CPED1: variants seen among roughly 807,000 people sequenced by gnomAD.
The protein encoded by CPED1 is cadherin like and PC-esterase domain containing 1, also known as cadherin-like and PC-esterase domain-containing protein 1.
CPED1 carries 114 observed loss-of-function variants against 128.2 expected under a neutral mutation model. The ratio of observed to expected loss-of-function variants is 0.89; its 90% CI spans 0.76 to 1.04. The LOEUF (loss-of-function observed/expected upper bound fraction) is 1.04, where lower values mean the gene tolerates loss of function less well. CPED1 is among the 50% of genes least tolerant of loss of function. The pLI, the probability that CPED1 is intolerant of heterozygous loss-of-function variation, is 0.00. For missense variants in CPED1, 1,211 were observed against 1,207.1 expected (o/e 1.00, Z -0.05); for synonymous variants, 462 against 426.7 (o/e 1.08, Z -1.02).
chr7:121,025,180 CCTCTTACACTGT>C (rs1792544945), intron 3 of CPED1, among the ~76,000 whole-genome samples: 1 of 151,790 alleles, frequency 6.6e-6, no homozygotes, highest in South Asian at 2.1e-4. Flanking sequence ...AAGTTGCTTC[CCTCTTACACTGT>C]CTCTTGGTGG....
intron 5 of CPED1, among the ~76,000 whole-genome samples, chr7:121,076,335 G>T (rs1794123577): frequency 6.6e-6 from 1 of 152,120 alleles, no homozygotes; most frequent in Middle Eastern, 3.2e-3. Flanking sequence ...ATGTGTGAAA[G>T]AACTAGAGAA....
Position 120,989,716 on chromosome 7 carries a change from C to T in CPED1, c.95C>T (p.Thr32Ile). ...GTGGCAATCTGTCTCTTCTACCAGACTCTGACCCTCCGAGGGTCGAGGAAG... is the reference window on the plus strand; with the variant it reads ...GTGGCAATCTGTCTCTTCTACCAGATTCTGACCCTCCGAGGGTCGAGGAAG... ...LVVAICLFYQ[T>I]LTLRGSRKLT... is the part of the protein sequence containing the mutation. The change falls in exon 2 of 23, where the codon ACT (threonine) becomes ATT (isoleucine). Residue 32 changes from threonine (T) to isoleucine (I), a missense_variant. Coordinates refer to ENST00000310396, the MANE Select transcript of CPED1 (RefSeq NM_024913.5). 6.2e-7 allele frequency: 1 copy of T among 1,613,962 alleles called. No individual in the cohort carries two copies.
chr7:121,124,455 G>A lies in CPED1; in HGVS notation c.1043G>A (p.Gly348Glu), dbSNP rs2116314185. ...AEVFSETSTL[G>E]PKTFHRCRFC... The stretch of plus-strand genomic sequence containing the variant: ...GTATTCAGTGAAACATCTACTCTGG[G>A]ACCAAAGACCTTCCATAGGTAAAAA... Residue 348 changes from glycine to glutamate, a missense_variant, in exon 8 of 23, where the codon GGA (glycine) becomes GAA (glutamate). By Grantham distance (98) the Gly-to-Glu change is moderately conservative (BLOSUM62 -2). Coordinates refer to ENST00000310396, the MANE Select transcript of CPED1 (RefSeq NM_024913.5). The A allele has an allele frequency of 1.3e-6, 2 of 1,528,260 alleles. No individual in the cohort carries two copies. The highest frequency in any genetic ancestry group is 1.3e-5 in the South Asian group (1 of 75,646). The allele number at this position is 1,528,260 out of a possible 1,614,324, so 94.7% of individuals were successfully genotyped here. A position where few individuals can be genotyped will look rare whatever the true frequency, so the allele number is the denominator to read the frequency against.
intron 10 of CPED1, among the ~76,000 whole-genome samples, chr7:121,127,620 C>A (rs1795538889): frequency 6.6e-6 from 1 of 150,578 alleles, no homozygotes; most frequent in Admixed American, 6.6e-5. Flanking sequence ...ACTGCAACCT[C>A]CGCCTCCTGG....
intron 16 of CPED1, among the ~76,000 whole-genome samples, chr7:121,234,545 G>T (rs114716919): frequency 1.3e-5 from 2 of 151,930 alleles, no homozygotes; most frequent in African/African-American, 4.8e-5. Flanking sequence ...GGTGGTGAAA[G>T]TTGTTTATAA....
At position 121,033,382 on chromosome 7, in the gene CPED1, T is replaced by G. The variant is rs1054352434; in HGVS notation, c.434-13505T>G. On this transcript the variant is annotated intron_variant, in intron 3 of 22. Coordinates refer to ENST00000310396, the MANE Select transcript of CPED1 (RefSeq NM_024913.5). ...ACACATAGAAGTCACATTTTGTTAC[T>G]TGAAAGTTCATCACCTAGATGTCGG... Among the ~76,000 whole-genome samples the G allele has an allele frequency of 3.9e-5, 6 of 152,330 alleles. No individual in the cohort carries two copies. The East Asian group carries it at 9.7e-4, about 25-fold the overall frequency.
intron 18 of CPED1, among the ~76,000 whole-genome samples, chr7:121,255,817 A>G (rs1030931477): frequency 6.6e-6 from 1 of 152,064 alleles, no homozygotes; most frequent in Non-Finnish European, 1.5e-5. Context: ...CAATAGCCAC[A>G]ATGAAAATGA....
At chr7:121,022,980 G>A (rs921603524) in intron 3 of CPED1, among the ~76,000 whole-genome samples, 13 of 151,290 alleles carry the variant, frequency 8.6e-5, no homozygotes, top group African/African-American at 2.7e-4. Flanking sequence ...ATGCTATTCA[G>A]TAAATCATTG....
rs1024670446 is a variant in CPED1, at chr7:121,135,290, A to AT, written c.1649-741dup. Among the ~76,000 whole-genome samples, 8 of 151,468 alleles carry AT rather than the reference A, an allele frequency of 5.3e-5. No homozygotes were observed. In the South Asian group the frequency reaches 6.3e-4, roughly 12 times the overall value. ...AAGTACCCACCTATATGTCAATAAT[A>AT]TTTTTTTTTAGTTCAAAGTTGTTCT... is the stretch of plus-strand genomic sequence containing the variant. On this transcript the variant is annotated intron_variant, in intron 13 of 22. Coordinates refer to ENST00000310396, the MANE Select transcript of CPED1 (RefSeq NM_024913.5).
chr7:121,166,969 TTTTGGGACACAACACAC>T (rs1279112560), intron 16 of CPED1, among the ~76,000 whole-genome samples: 1 of 152,134 alleles, frequency 6.6e-6, no homozygotes, highest in Non-Finnish European at 1.5e-5. Context: ...TTTCATGTCC[TTTTGGGACACAACACAC>T]TTTGTGGAAG....
At chr7:121,252,384 T>C (rs1434609189) in intron 18 of CPED1, among the ~76,000 whole-genome samples, 3 of 151,912 alleles carry the variant, frequency 2.0e-5, no homozygotes, top group Non-Finnish European at 4.4e-5. Flanking sequence ...ACCTAGGCAA[T>C]ACCATTCAGG....
intron 5 of CPED1, among the ~76,000 whole-genome samples, chr7:121,067,958 G>C (rs1423527565): frequency 1.3e-5 from 2 of 152,132 alleles, no homozygotes; most frequent in Admixed American, 6.5e-5. Flanking sequence ...TTTCGATGGG[G>C]TTGTTTGTTT....
intron 5 of CPED1, among the ~76,000 whole-genome samples, chr7:121,071,403 C>T (rs9632748): frequency 0.022 from 3,313 of 152,156 alleles, 126 homozygotes; most frequent in African/African-American, 0.075. Flanking sequence ...CCTCACAAAA[C>T]AGAAATTTTG....
At chr7:121,050,897 C>T (rs1371670460) in intron 4 of CPED1, 1 of 481,776 alleles carries the variant, frequency 2.1e-6, no homozygotes, top group African/African-American at 2.0e-5. Flanking sequence ...ACGCACCCTC[C>T]TCGTCACCAG....
At chr7:121,159,259 G>C (rs1487800799) in intron 16 of CPED1, among the ~76,000 whole-genome samples, 1 of 152,068 alleles carries the variant, frequency 6.6e-6, no homozygotes. Flanking sequence ...TTACGTTTCA[G>C]AAAGAGAAAA....
chr7:121,213,969 T>C (rs1797702479), intron 16 of CPED1, among the ~76,000 whole-genome samples: 1 of 152,050 alleles, frequency 6.6e-6, no homozygotes, highest in African/African-American at 2.4e-5. Context: ...CACATTACTT[T>C]TGGTTATCAT....
At chr7:121,058,641 TTA>T (rs1793565262) in intron 4 of CPED1, among the ~76,000 whole-genome samples, 1 of 152,198 alleles carries the variant, frequency 6.6e-6, no homozygotes, top group Non-Finnish European at 1.5e-5. Flanking sequence ...CATTTCAACT[TTA>T]TGTTTTCTTA....
intron 11 of CPED1, 51 bp from the exon 12 acceptor site, chr7:121,130,071 ATAC>A (rs1276417187): frequency 3.7e-6 from 5 of 1,355,744 alleles, no homozygotes; most frequent in Non-Finnish European, 5.3e-6. Flanking sequence ...GTTCATAGTA[ATAC>A]TACATTATAA....
At chr7:121,182,943 T>G (rs1209650612) in intron 16 of CPED1, among the ~76,000 whole-genome samples, 1 of 152,082 alleles carries the variant, frequency 6.6e-6, no homozygotes, top group African/African-American at 2.4e-5. Context: ...AGCATTTTTT[T>G]CTTCAAAAAC....
Sources: gnomAD v4.1 joint callset for allele counts (sites outside exome capture counted in the v4.1 genomes callset) on GRCh38, gnomAD v4.1.1 for gene constraint, MANE v1.5 for transcripts, NCBI Gene and HGNC (gene_info 2026-07-23, HGNC 2026-07-21) for gene names.